The following PSME4 variants were observed in gnomAD, a reference collection of about 807,000 sequenced individuals.
The protein encoded by PSME4 is proteasome activator subunit 4, also known as proteasome activator complex subunit 4.
A neutral mutation model predicts 253.9 loss-of-function variants in PSME4; 89 were observed. That is an observed-to-expected ratio of 0.35 (90% CI 0.30 to 0.42). PSME4 has a LOEUF of 0.42. PSME4 is among the 10% of genes least tolerant of loss of function. PSME4 has a pLI of 1.00. For missense variants in PSME4, 2,014 were observed against 2,195.2 expected (o/e 0.92, Z 1.65); for synonymous variants, 851 against 759.2 (o/e 1.12, Z -1.99).
intron 12 of PSME4, among the ~76,000 whole-genome samples, chr2:53,927,179 A>G (rs1668594554): frequency 6.6e-6 from 1 of 152,236 alleles, no homozygotes; most frequent in Admixed American, 6.5e-5. Flanking sequence ...CAGATGTCAG[A>G]TGTTTATAGA....
At chr2:53,943,642 A>G (rs1225342036) in intron 3 of PSME4, among the ~76,000 whole-genome samples, 1 of 152,092 alleles carries the variant, frequency 6.6e-6, no homozygotes, top group Non-Finnish European at 1.5e-5. Flanking sequence ...AGAGTTCAAG[A>G]CCAGCCTGGC....
At chr2:53,950,291 A>AC (rs1669915154) in intron 1 of PSME4, among the ~76,000 whole-genome samples, 1 of 152,006 alleles carries the variant, frequency 6.6e-6, no homozygotes, top group Non-Finnish European at 1.5e-5. Context: ...CTTCCAAAAA[A>AC]AAAAAAAGGA....
chr2:53,932,866 A>T, intron 8 of PSME4, 106 bp from the exon 9 acceptor site: 1 of 744,086 alleles, frequency 1.3e-6, no homozygotes, highest in Non-Finnish European at 2.2e-6. Context: ...TTTATAGTCA[A>T]CTTGCTGACA....
At chr2:53,903,815 A>T (rs1423429537) in intron 27 of PSME4, among the ~76,000 whole-genome samples, 1 of 152,244 alleles carries the variant, frequency 6.6e-6, no homozygotes, top group Non-Finnish European at 1.5e-5. Flanking sequence ...AACAAAGATC[A>T]TACCTGTTTA....
rs754972961 is a variant in PSME4, at chr2:53,948,480, G to A, written c.441C>T (p.Asp147=). ...TGGAATATAATATTCTTTCTACCATGTCATAAAGTGGTCTCCAGGGTAACT... is the reference window on the plus strand; with the variant it reads ...TGGAATATAATATTCTTTCTACCATATCATAAAGTGGTCTCCAGGGTAACT... The part of the protein sequence containing the change: ...DLELPWRPLY[D]MVERILYSKT... Residue 147 remains aspartate, a synonymous_variant, in exon 3 of 47, where the codon GAC becomes GAT. Transcript: ENST00000404125. 7 of 1,613,576 alleles carry A rather than the reference G, an allele frequency of 4.3e-6. No individual in the cohort carries two copies. The highest frequency in any genetic ancestry group is 5.9e-6 in the Non-Finnish European group (7 of 1,179,750).
At chr2:53,939,258 C>T (rs926652150) in intron 4 of PSME4, among the ~76,000 whole-genome samples, 2 of 152,046 alleles carry the variant, frequency 1.3e-5, no homozygotes, top group African/African-American at 4.8e-5. Context: ...TAATACATGG[C>T]TTTTCACCAA....
At chr2:53,926,597 C>T (rs1668568522) in intron 12 of PSME4, among the ~76,000 whole-genome samples, 1 of 152,142 alleles carries the variant, frequency 6.6e-6, no homozygotes, top group African/African-American at 2.4e-5. Context: ...ACAAGAACCA[C>T]TTGAACCCAG....
chr2:53,930,858 C>A (rs2104459092), intron 10 of PSME4, among the ~76,000 whole-genome samples: 1 of 152,302 alleles, frequency 6.6e-6, no homozygotes, highest in African/African-American at 2.4e-5. Flanking sequence ...AACTAACATT[C>A]CTCCTCTATA....
At chr2:53,950,173 C>T (rs954516796) in intron 1 of PSME4, among the ~76,000 whole-genome samples, 1 of 151,508 alleles carries the variant, frequency 6.6e-6, no homozygotes, top group African/African-American at 2.4e-5. Flanking sequence ...TTACTCGGGT[C>T]GGGGGCTGAG....
rs760972285 is a variant in PSME4 at position 53,931,823 on chromosome 2, C to A, written c.1316+12G>T. ...AACCTAGCTGTGGCTGAGACTCCCACTAACCACTTACCTTTCAAGTACAGG... is the reference window on the plus strand; with the variant it reads ...AACCTAGCTGTGGCTGAGACTCCCAATAACCACTTACCTTTCAAGTACAGG... On this transcript the variant is annotated intron_variant, in intron 10 of 46. Transcript: ENST00000404125. 5.0e-6 allele frequency: 8 copies of A among 1,612,908 alleles called. No homozygotes were observed. Among genetic ancestry groups the A allele is most frequent in the Non-Finnish European group, 6.8e-6 (8 of 1,179,230 alleles).
rs1174983859 is a variant in PSME4 at position 53,892,869 on chromosome 2, C to T, written c.4130G>A (p.Arg1377Gln). ...LVADSHESTQ[R>Q]CVAEIIAGLI... ...ACCAGCTATAATTTCTGCAACACAT[C>T]GCTGGGTGCTTTCATGTGAATCTGC... Residue 1377 changes from arginine to glutamine, a missense_variant, in exon 36 of 47, where the codon CGA becomes CAA. Transcript: ENST00000404125. The T allele has an allele frequency of 2.5e-6, 4 of 1,613,824 alleles. No individual in the cohort carries two copies. The highest frequency in any genetic ancestry group is 3.4e-6 in the Non-Finnish European group (4 of 1,179,852).
intron 43 of PSME4, among the ~76,000 whole-genome samples, 198 bp downstream of exon 43, chr2:53,874,141 T>C (rs899084814): frequency 4.6e-5 from 7 of 152,112 alleles, no homozygotes; most frequent in Non-Finnish European, 8.8e-5. Flanking sequence ...TTGGTACTTT[T>C]TGTAGAGACA....
At chr2:53,946,501 G>C (rs1174613195) in intron 3 of PSME4, among the ~76,000 whole-genome samples, 1 of 152,184 alleles carries the variant, frequency 6.6e-6, no homozygotes, top group African/African-American at 2.4e-5. Context: ...ATTTAAAGAA[G>C]ACTCAGTCAA....
At chr2:53,917,272 T>C in intron 20 of PSME4, 1 of 173,220 alleles carries the variant, frequency 5.8e-6, no homozygotes, top group South Asian at 1.0e-4. Flanking sequence ...GGATCAATTT[T>C]ATAGCTTATA....
chr2:53,957,727 C>T (rs1330576388), intron 1 of PSME4, among the ~76,000 whole-genome samples: 1 of 152,120 alleles, frequency 6.6e-6, no homozygotes, highest in African/African-American at 2.4e-5. Context: ...TTTGGAATCC[C>T]TAGCGATGTA....
At chr2:53,898,048 G>C in intron 30 of PSME4, 49 bp from the exon 31 acceptor site, 1 of 1,411,348 alleles carries the variant, frequency 7.1e-7, no homozygotes, top group Non-Finnish European at 9.5e-7. Context: ...AAACCACTTG[G>C]AAAAAAAAAA....
intron 44 of PSME4, among the ~76,000 whole-genome samples, chr2:53,869,086 T>C (rs1260556047): frequency 2.6e-5 from 4 of 152,306 alleles, no homozygotes; most frequent in Middle Eastern, 3.4e-3. Context: ...AAATAACTAA[T>C]TCTGAATATC....
intron 12 of PSME4, among the ~76,000 whole-genome samples, chr2:53,926,356 TA>T (rs1267668479): frequency 6.6e-6 from 1 of 152,138 alleles, no homozygotes; most frequent in Non-Finnish European, 1.5e-5. Context: ...CAGAAAAATA[TA>T]AACAATAACA....
chr2:53,897,360 G>C (rs1351425055), intron 31 of PSME4, among the ~76,000 whole-genome samples: 1 of 151,758 alleles, frequency 6.6e-6, no homozygotes, highest in Non-Finnish European at 1.5e-5. Context: ...GTAGAGACAG[G>C]GTTTCTCCAT....
Sources: allele counts gnomAD v4.1 joint callset (sites outside exome capture counted in the v4.1 genomes callset), GRCh38; gene constraint gnomAD v4.1.1; transcripts MANE v1.5; gene names NCBI Gene and HGNC (gene_info 2026-07-23, HGNC 2026-07-21).